Variants in CDH13 observed in about 807,000 individuals in gnomAD.
The protein encoded by CDH13 is cadherin 13.
CDH13 carries 24 observed loss-of-function variants against 63.8 expected under a neutral mutation model. The observed-to-expected ratio is 0.38, with a 90% CI of 0.27 to 0.53. CDH13 has a LOEUF of 0.53. Among genes scored for constraint, CDH13 ranks in the 20% least tolerant of loss-of-function variants. The probability of loss-of-function intolerance (pLI) is 0.85; values close to 1 mark genes in which losing one functional copy is unlikely to be tolerated. For missense variants in CDH13, 1,049 were observed against 903.1 expected (o/e 1.16, Z -2.07); for synonymous variants, 503 against 355.3 (o/e 1.42, Z -4.67).
intron 5 of CDH13, among the ~76,000 whole-genome samples, chr16:83,254,239 C>T (rs531146437): frequency 6.6e-6 from 1 of 152,296 alleles, no homozygotes; most frequent in East Asian, 1.9e-4. Context: ...AGCGAAGTCA[C>T]GGAGCTGCTG....
At chr16:82,734,963 T>C (rs6565063) in intron 1 of CDH13, among the ~76,000 whole-genome samples, 30,774 of 152,026 alleles carry the variant, frequency 0.2, 3,211 homozygotes, top group Middle Eastern at 0.22. Flanking sequence ...ATAGAGGATG[T>C]AGGGAGTAAC....
chr16:83,573,456 C>G (rs1904828193), intron 7 of CDH13, among the ~76,000 whole-genome samples: 1 of 152,200 alleles, frequency 6.6e-6, no homozygotes, highest in Non-Finnish European at 1.5e-5. Context: ...AGAGGAAGGA[C>G]AGTGACCAGC....
chr16:82,782,114 T>A (rs930714024), intron 1 of CDH13, among the ~76,000 whole-genome samples: 2 of 152,144 alleles, frequency 1.3e-5, no homozygotes, highest in Non-Finnish European at 2.9e-5. Flanking sequence ...GGTAGAAATA[T>A]GGATATGTAG....
At chr16:83,329,084 C>A (rs4782770) in intron 5 of CDH13, among the ~76,000 whole-genome samples, 2 of 151,992 alleles carry the variant, frequency 1.3e-5, no homozygotes, top group Non-Finnish European at 2.9e-5. Context: ...GCACAAATCT[C>A]TGGGCCACTG....
intron 2 of CDH13, among the ~76,000 whole-genome samples, chr16:83,030,753 A>G (rs1197933323): frequency 1.3e-5 from 2 of 151,108 alleles, no homozygotes; most frequent in Non-Finnish European, 2.9e-5. Flanking sequence ...GACTCTCTCC[A>G]CACAACAAAT....
intron 4 of CDH13, among the ~76,000 whole-genome samples, chr16:83,184,969 A>G (rs1423652131): frequency 2.0e-5 from 3 of 151,578 alleles, no homozygotes; most frequent in Non-Finnish European, 4.4e-5. Context: ...TTAAATACAC[A>G]CTTATAAGTG....
At chr16:83,251,437 G>T (rs998730196) in intron 5 of CDH13, among the ~76,000 whole-genome samples, 1 of 152,178 alleles carries the variant, frequency 6.6e-6, no homozygotes, top group African/African-American at 2.4e-5. Flanking sequence ...GATTTGCACA[G>T]TTACCCAGCT....
At chr16:83,259,368 G>C (rs1301220846) in intron 5 of CDH13, among the ~76,000 whole-genome samples, 1 of 152,302 alleles carries the variant, frequency 6.6e-6, no homozygotes, top group East Asian at 1.9e-4. Flanking sequence ...ATAAAGGTTA[G>C]ATGGTGCTGC....
At chr16:82,645,624 G>T (rs1296939366) in intron 1 of CDH13, among the ~76,000 whole-genome samples, 1 of 152,102 alleles carries the variant, frequency 6.6e-6, no homozygotes, top group Admixed American at 6.5e-5. Context: ...TGATCCAAAT[G>T]CATAGCTTCA....
intron 6 of CDH13, 138 bp downstream of exon 6, chr16:83,345,144 G>A: frequency 1.1e-6 from 1 of 951,316 alleles, no homozygotes; most frequent in African/African-American, 1.6e-5. Context: ...TCCCTGCGTA[G>A]AAGCCAGGTT....
intron 2 of CDH13, among the ~76,000 whole-genome samples, chr16:82,889,918 A>G (rs2041020649): frequency 6.6e-6 from 1 of 152,270 alleles, no homozygotes. Context: ...TTCTTTGGAA[A>G]TTGGCATGGG....
At chr16:83,375,917 G>A (rs1227029783) in intron 6 of CDH13, among the ~76,000 whole-genome samples, 1 of 152,132 alleles carries the variant, frequency 6.6e-6, no homozygotes, top group Non-Finnish European at 1.5e-5. Context: ...TTGGAGAGAG[G>A]CAGACGTCAT....
intron 6 of CDH13, among the ~76,000 whole-genome samples, chr16:83,443,834 C>T (rs1362741634): frequency 1.4e-5 from 2 of 144,316 alleles, no homozygotes; most frequent in African/African-American, 2.6e-5. Flanking sequence ...ACTCAGGAGG[C>T]TGAGGTGGGA....
In CDH13 at chr16:83,432,037, C is replaced by G. The variant is rs1387093900; in HGVS notation, c.782-54440C>G. Among the ~76,000 whole-genome samples, 2 of 152,124 alleles carry G rather than the reference C, an allele frequency of 1.3e-5. 1 individual carries two copies. The highest frequency in any genetic ancestry group is 2.9e-5 in the Non-Finnish European group (2 of 68,028). ...ACTGGAGAAGGAGGAAGGGGAGAAA[C>G]AGAGAAACCAGGTAGAAGGCTTCTG... On this transcript the variant is annotated intron_variant, in intron 6 of 13. Transcript: ENST00000567109.
intron 7 of CDH13, among the ~76,000 whole-genome samples, chr16:83,542,819 G>T (rs1471751331): frequency 6.6e-6 from 1 of 152,138 alleles, no homozygotes; most frequent in Non-Finnish European, 1.5e-5. Flanking sequence ...ATTTTTATAA[G>T]AACACCAATC....
intron 8 of CDH13, among the ~76,000 whole-genome samples, chr16:83,657,363 G>A (rs578072245): frequency 2.6e-5 from 4 of 152,150 alleles, no homozygotes; most frequent in Non-Finnish European, 2.9e-5. Flanking sequence ...AAGAAGACAG[G>A]CTGCTGCTTT....
intron 7 of CDH13, among the ~76,000 whole-genome samples, chr16:83,506,742 C>A (rs1210434655): frequency 6.6e-6 from 1 of 152,182 alleles, no homozygotes; most frequent in Non-Finnish European, 1.5e-5. Context: ...TTGCTACAGG[C>A]AAAGCCAAAT....
intron 4 of CDH13, among the ~76,000 whole-genome samples, chr16:83,134,445 C>T (rs2036187269): frequency 6.6e-6 from 1 of 151,814 alleles, no homozygotes; most frequent in Non-Finnish European, 1.5e-5. Context: ...CTGCCTCGGC[C>T]TCCCAAAGTG....
At chr16:83,474,654 C>G (rs1435022218) in intron 6 of CDH13, among the ~76,000 whole-genome samples, 3 of 152,140 alleles carry the variant, frequency 2.0e-5, no homozygotes, top group Non-Finnish European at 4.4e-5. Context: ...TAGAATTCAG[C>G]AAATTAAAGC....
Sources: allele counts gnomAD v4.1 joint callset (sites outside exome capture counted in the v4.1 genomes callset), GRCh38; gene constraint gnomAD v4.1.1; transcripts MANE v1.5; gene names NCBI Gene and HGNC (gene_info 2026-07-23, HGNC 2026-07-21).